Variants in MSTO1 observed in about 807,000 individuals in gnomAD.
MSTO1 encodes the protein misato mitochondrial distribution and morphology regulator 1.
Under a neutral mutation model 55.7 loss-of-function variants are expected in MSTO1, and 24 were observed. The ratio of observed to expected loss-of-function variants is 0.43; its 90% CI spans 0.31 to 0.61. MSTO1 has a LOEUF of 0.61. MSTO1 is among the 20% of genes least tolerant of loss of function. MSTO1 has a pLI of 0.09. For missense variants in MSTO1, 363 were observed against 625.7 expected, an observed-to-expected ratio of 0.58 and a Z score of 4.48; for synonymous variants, 162 against 252.8, an observed-to-expected ratio of 0.64 and a Z score of 3.41.
At chr1:155,599,650 A>G in the MSTO1 span, among the ~76,000 whole-genome samples, 1 of 152,178 alleles carries the variant, frequency 6.6e-6, no homozygotes. Context: ...TAAGGGGACC[A>G]GGGGAACCAG....
chr1:155,571,022 C>G, the MSTO1 span, among the ~76,000 whole-genome samples: 1 of 152,106 alleles, frequency 6.6e-6, no homozygotes, highest in African/African-American at 2.4e-5. Context: ...GCAAAAACAC[C>G]TATAGCTACA....
the MSTO1 span, among the ~76,000 whole-genome samples, chr1:155,595,230 T>C: frequency 7.3e-6 from 1 of 136,616 alleles, no homozygotes; most frequent in Admixed American, 8.3e-5. Flanking sequence ...CAGGCTGGAG[T>C]GCAGTGGCGC....
At chr1:155,576,572 A>C in the MSTO1 span, among the ~76,000 whole-genome samples, 2 of 147,910 alleles carry the variant, frequency 1.4e-5, no homozygotes, top group Non-Finnish European at 3.0e-5. Context: ...TGATCCGCCC[A>C]CCTCAGCCTC....
At chr1:155,608,329 A>C (rs1162952592), upstream of MSTO1, among the ~76,000 whole-genome samples, 2 of 151,988 alleles carry the variant, frequency 1.3e-5, no homozygotes, top group African/African-American at 4.8e-5. Context: ...AATTTTTTGA[A>C]AAATTCTTTT....
At chr1:155,574,087 T>C in the MSTO1 span, among the ~76,000 whole-genome samples, 26 of 152,112 alleles carry the variant, frequency 1.7e-4, no homozygotes, top group African/African-American at 6.3e-4. Context: ...CTGGGTGCAG[T>C]GGCTCACGCC....
At chr1:155,595,426 C>T in the MSTO1 span, among the ~76,000 whole-genome samples, 1 of 151,660 alleles carries the variant, frequency 6.6e-6, no homozygotes, top group Non-Finnish European at 1.5e-5. Flanking sequence ...GATCTGCGTG[C>T]CTCGGCCTCC....
the MSTO1 span, among the ~76,000 whole-genome samples, chr1:155,572,554 A>G: frequency 6.6e-6 from 1 of 152,186 alleles, no homozygotes; most frequent in East Asian, 1.9e-4. Context: ...TCTACTAAAA[A>G]TACAAAACTT....
chr1:155,574,770 G>A, the MSTO1 span, among the ~76,000 whole-genome samples: 1 of 151,884 alleles, frequency 6.6e-6, no homozygotes, highest in Non-Finnish European at 1.5e-5. Flanking sequence ...GTTTTCCTAT[G>A]TTGCCCAGGC....
At chr1:155,579,278 A>G in the MSTO1 span, among the ~76,000 whole-genome samples, 1 of 151,758 alleles carries the variant, frequency 6.6e-6, no homozygotes, top group Non-Finnish European at 1.5e-5. Context: ...AAGCCATTGC[A>G]CTCTGGCCTG....
chr1:155,593,279 C>T, the MSTO1 span, among the ~76,000 whole-genome samples: 1 of 152,042 alleles, frequency 6.6e-6, no homozygotes, highest in African/African-American at 2.4e-5. Context: ...ATTCTTTATT[C>T]GAGGGCAAAA....
the MSTO1 span, chr1:155,586,821 T>C: frequency 0.023 from 6,565 of 282,188 alleles, 433 homozygotes; most frequent in African/African-American, 0.14. Flanking sequence ...AATCTCGGCT[T>C]GCTGCAACCT....
In MSTO1 at chr1:155,613,138, A is replaced by G; in HGVS notation, c.1188A>G (p.Pro396=). The G allele has an allele frequency of 1.9e-6, 3 of 1,613,956 alleles. No homozygotes were observed. Among genetic ancestry groups the G allele is most frequent in the Non-Finnish European group, 2.5e-6 (3 of 1,179,980 alleles). The change falls in exon 11 of 14, where the codon CCA becomes CCG. Residue 396 remains proline, a synonymous_variant. Coordinates refer to ENST00000245564, the MANE Select transcript of MSTO1 (RefSeq NM_018116.4). ...TGATGCAGTTTGGAGGAGCCACCCCATGGACCCCACTGTCTGCATGTGGGG... is the reference window on the plus strand; with the variant it reads ...TGATGCAGTTTGGAGGAGCCACCCCGTGGACCCCACTGTCTGCATGTGGGG... ...DSLMQFGGAT[P]WTPLSACGEP... is the part of the protein sequence containing the mutation.
chr1:155,568,052 ATT>A, the MSTO1 span, among the ~76,000 whole-genome samples: 1 of 121,676 alleles, frequency 8.2e-6, no homozygotes, highest in African/African-American at 2.7e-5. Context: ...AAAAAAAAAA[ATT>A]ATTTATTTTA....
chr1:155,601,748 ATTTAT>A, the MSTO1 span, among the ~76,000 whole-genome samples: 2 of 151,992 alleles, frequency 1.3e-5, no homozygotes, highest in Non-Finnish European at 2.9e-5. Flanking sequence ...CCTTTTATTT[ATTTAT>A]TTTATTATTA....
rs553699421 is a variant in MSTO1, at chr1:155,611,432, C to T, written c.367-117C>T. On this transcript the variant is annotated intron_variant, in intron 4 of 13. Transcript: ENST00000245564. ...AAAGCACTCCTTTTCCTAAGGACTG[C>T]GACTCGGTGAACAGAAAGGAGGCTA... The T allele has an allele frequency of 2.5e-5, 40 of 1,602,548 alleles. No homozygotes were observed. In the East Asian group the frequency reaches 7.2e-4, roughly 29 times the overall value.
chr1:155,576,361 T>C, the MSTO1 span, among the ~76,000 whole-genome samples: 1 of 152,012 alleles, frequency 6.6e-6, no homozygotes, highest in Non-Finnish European at 1.5e-5. Flanking sequence ...AGACGGAGTC[T>C]CTGTCACCAG....
the MSTO1 span, among the ~76,000 whole-genome samples, chr1:155,587,730 C>T: frequency 1.6e-4 from 20 of 126,672 alleles, 1 homozygote; most frequent in Admixed American, 1.9e-3. Context: ...GGCGACAGAG[C>T]GAGACTCCGT....
At chr1:155,590,921 C>G in the MSTO1 span, 1 of 1,613,314 alleles carries the variant, frequency 6.2e-7, no homozygotes, top group African/African-American at 1.3e-5. Context: ...ACCAGGCGGG[C>G]CTTGGAATCC....
chr1:155,574,150 G>C, the MSTO1 span, among the ~76,000 whole-genome samples: 1 of 152,074 alleles, frequency 6.6e-6, no homozygotes, highest in African/African-American at 2.4e-5. Context: ...TTGAGCCCAG[G>C]AGTTGAAGAC....
Sources: allele counts gnomAD v4.1 joint callset (sites outside exome capture counted in the v4.1 genomes callset), GRCh38; gene constraint gnomAD v4.1.1; transcripts MANE v1.5; gene names NCBI Gene and HGNC (gene_info 2026-07-23, HGNC 2026-07-21).